GRID2: variants seen among roughly 807,000 people sequenced by gnomAD.
GRID2 encodes the protein glutamate ionotropic receptor delta type subunit 2.
A neutral mutation model predicts 114.8 loss-of-function variants in GRID2; 33 were observed. The observed-to-expected ratio is 0.29, with a 90% CI of 0.22 to 0.38. GRID2 has a LOEUF of 0.38. Among genes scored for constraint, GRID2 ranks in the 10% least tolerant of loss-of-function variants. GRID2 has a pLI of 1.00. For synonymous variants in GRID2, 505 were observed against 449.9 expected (o/e 1.12, Z -1.55); for missense variants, 1,184 against 1,257.7 (o/e 0.94, Z 0.89).
chr4:93,600,253 C>A, intron 13 of GRID2, among the ~76,000 whole-genome samples: 1 of 152,022 alleles, frequency 6.6e-6, no homozygotes, highest in East Asian at 1.9e-4. Context: ...TTCTACTTAT[C>A]AAATATTCTA....
chr4:93,138,639 A>T (rs1735490689), intron 4 of GRID2, among the ~76,000 whole-genome samples: 1 of 152,172 alleles, frequency 6.6e-6, no homozygotes, highest in South Asian at 2.1e-4. Flanking sequence ...GACAACCGAT[A>T]ATCACCTTTT....
At chr4:93,629,052 C>T (rs1171471535) in intron 14 of GRID2, among the ~76,000 whole-genome samples, 2 of 152,174 alleles carry the variant, frequency 1.3e-5, no homozygotes, top group African/African-American at 4.8e-5. Flanking sequence ...CAGGCATGAG[C>T]CACCGCGCCC....
chr4:93,701,798 A>C (rs1193854865), intron 14 of GRID2, among the ~76,000 whole-genome samples: 2 of 152,008 alleles, frequency 1.3e-5, no homozygotes, highest in African/African-American at 4.8e-5. Context: ...AGTCTATCCT[A>C]AGCAAAATAG....
chr4:92,552,541 T>C (rs1726644584), intron 1 of GRID2, among the ~76,000 whole-genome samples: 1 of 152,112 alleles, frequency 6.6e-6, no homozygotes, highest in South Asian at 2.1e-4. Flanking sequence ...GTAAAATCCA[T>C]GATGGCTGAA....
chr4:92,615,615 T>C (rs1256086722), intron 2 of GRID2, among the ~76,000 whole-genome samples: 1 of 151,652 alleles, frequency 6.6e-6, no homozygotes, highest in African/African-American at 2.4e-5. Flanking sequence ...ATTTATATTA[T>C]TGTAATATTT....
intron 2 of GRID2, among the ~76,000 whole-genome samples, chr4:92,623,854 T>C (rs1730393239): frequency 6.6e-6 from 1 of 151,808 alleles, no homozygotes; most frequent in Non-Finnish European, 1.5e-5. Context: ...TACCATATTC[T>C]ATAAGATTAT....
intron 2 of GRID2, among the ~76,000 whole-genome samples, chr4:92,776,225 A>G (rs1212998946): frequency 6.6e-6 from 1 of 152,152 alleles, no homozygotes; most frequent in Non-Finnish European, 1.5e-5. Context: ...TTTGTGAAAT[A>G]TTGGGTGCTT....
chr4:92,889,806 C>T (rs907309502), intron 2 of GRID2, among the ~76,000 whole-genome samples: 1 of 152,052 alleles, frequency 6.6e-6, no homozygotes, highest in Non-Finnish European at 1.5e-5. Context: ...CCCATATAGC[C>T]AAGACAATCC....
intron 2 of GRID2, among the ~76,000 whole-genome samples, chr4:92,968,775 C>T (rs1266119067): frequency 1.3e-5 from 2 of 151,800 alleles, no homozygotes; most frequent in Non-Finnish European, 2.9e-5. Flanking sequence ...CCTAGGCAAC[C>T]ACTAATCTAC....
At position 92,383,171 on chromosome 4, in the gene GRID2, C is replaced by T. The variant is rs541549816; in HGVS notation, c.88+78427C>T. The stretch of plus-strand genomic sequence containing the variant: ...TGTGCTAAATCATTCATGAGGATTC[C>T]GCTCCCATGATCCAATCACCTCCTA... On this transcript the variant is annotated intron_variant, in intron 1 of 15. Transcript: ENST00000282020. Among the ~76,000 whole-genome samples the T allele has an allele frequency of 4.0e-4, 61 of 151,866 alleles. 1 individual carries two copies. Among genetic ancestry groups the T allele is most frequent in the Non-Finnish European group, 7.1e-4 (48 of 67,886 alleles).
rs1321809866 is a variant in GRID2, at chr4:92,709,590, ATAT to A, written c.244+119305_244+119307del. 8.8e-3 allele frequency among the ~76,000 whole-genome samples: 866 copies of A among 98,928 alleles called. 4 individuals carry two copies. The highest frequency in any genetic ancestry group is 0.021 in the Middle Eastern group (4 of 188). The allele number at this position is 98,928 out of a possible 152,430, so 64.9% of individuals were successfully genotyped here. On this transcript the variant is annotated intron_variant, in intron 2 of 15. Transcript: ENST00000282020. The stretch of plus-strand genomic sequence containing the variant: ...GTGTAGAGAAAAAAAAAAAAAAAAA[ATAT>A]ATATATATATATATATGTAATTTGA...
intron 14 of GRID2, among the ~76,000 whole-genome samples, chr4:93,651,304 C>T (rs1722559537): frequency 6.6e-6 from 1 of 152,108 alleles, no homozygotes; most frequent in Non-Finnish European, 1.5e-5. Flanking sequence ...GTTTTGCAGG[C>T]AGCACAAGAG....
Position 92,692,770 on chromosome 4 carries a change from C to G in GRID2, c.244+102484C>G, listed in dbSNP as rs545042575. Among the ~76,000 whole-genome samples the G allele has an allele frequency of 1.4e-4, 21 of 152,150 alleles. No homozygotes were observed. The South Asian group carries it at 4.4e-3, about 32-fold the overall frequency. On this transcript the variant is annotated intron_variant, in intron 2 of 15. Coordinates refer to ENST00000282020, the MANE Select transcript of GRID2 (RefSeq NM_001510.4). ...AGACACAGTGGCTCACACCTGTAATCCCAGCACTTTGGGAGGCAGAGGTGG... is the reference window on the plus strand; with the variant it reads ...AGACACAGTGGCTCACACCTGTAATGCCAGCACTTTGGGAGGCAGAGGTGG...
chr4:92,398,069 G>A (rs1014637711), intron 1 of GRID2, among the ~76,000 whole-genome samples: 15 of 152,194 alleles, frequency 9.9e-5, no homozygotes, highest in African/African-American at 3.6e-4. Flanking sequence ...AATAATATAT[G>A]CAGAGACATT....
intron 10 of GRID2, among the ~76,000 whole-genome samples, chr4:93,452,455 T>C (rs2149406876): frequency 6.6e-6 from 1 of 152,286 alleles, no homozygotes; most frequent in African/African-American, 2.4e-5. Context: ...CTCTTTGATT[T>C]CATTTTAACA....
intron 3 of GRID2, among the ~76,000 whole-genome samples, chr4:93,104,627 G>A (rs187529846): frequency 7.9e-5 from 12 of 152,254 alleles, no homozygotes; most frequent in African/African-American, 2.9e-4. Context: ...TCCCTACAGA[G>A]GACATGAACT....
chr4:92,539,187 G>A (rs970062689), intron 1 of GRID2, among the ~76,000 whole-genome samples: 9 of 152,110 alleles, frequency 5.9e-5, no homozygotes, highest in Non-Finnish European at 1.2e-4. Flanking sequence ...TATTTCTTGA[G>A]ATAGATAACA....
At position 93,260,733 on chromosome 4, in the gene GRID2, C is replaced by G. The variant is rs140986655; in HGVS notation, c.1245+22243C>G. Among the ~76,000 whole-genome samples the G allele has an allele frequency of 3.5e-3, 538 of 151,862 alleles. 4 individuals carry two copies. The highest frequency in any genetic ancestry group is 0.012 in the African/African-American group (517 of 41,494). On this transcript the variant is annotated intron_variant, in intron 8 of 15. Coordinates refer to ENST00000282020, the MANE Select transcript of GRID2 (RefSeq NM_001510.4). ...ACTGCCTTTTTCAACAGGCCAATCA[C>G]AGGATGATCATAGGGTTTCTGATTC...
chr4:92,326,699 C>T (rs1055389090), intron 1 of GRID2, among the ~76,000 whole-genome samples: 3 of 152,008 alleles, frequency 2.0e-5, no homozygotes, highest in East Asian at 1.9e-4. Context: ...ATCTCATTAA[C>T]GTGTAGCAAT....
Sources: gnomAD v4.1 joint callset for allele counts (sites outside exome capture counted in the v4.1 genomes callset) on GRCh38, gnomAD v4.1.1 for gene constraint, MANE v1.5 for transcripts, NCBI Gene and HGNC (gene_info 2026-07-23, HGNC 2026-07-21) for gene names.